ZFHX3: variants seen among roughly 807,000 people sequenced by gnomAD.
ZFHX3 encodes the protein zinc finger homeobox 3.
In ZFHX3, 42 loss-of-function variants were observed where a neutral mutation model predicts 279.1. The observed-to-expected ratio is 0.15, with a 90% CI of 0.12 to 0.19. The LOEUF (loss-of-function observed/expected upper bound fraction) is 0.19, where lower values mean the gene tolerates loss of function less well. ZFHX3 is among the 10% of genes least tolerant of loss of function. The pLI is 1.00. For synonymous variants in ZFHX3, 2,293 were observed against 1,957.8 expected (o/e 1.17, Z -4.52); for missense variants, 4,981 against 4,754.0 (o/e 1.05, Z -1.40).
At chr16:73,233,937 G>C (rs1219796362) in intron 5 of ZFHX3, 1 of 152,210 alleles carries the variant, frequency 6.6e-6, no homozygotes, top group Non-Finnish European at 1.5e-5. Context: ...TTTTGCAGAA[G>C]TGAGCCACGG....
At chr16:73,349,580 G>A (rs904818838) in intron 3 of ZFHX3, among the ~76,000 whole-genome samples, 1 of 151,766 alleles carries the variant, frequency 6.6e-6, no homozygotes, top group African/African-American at 2.4e-5. Context: ...TAGAGAGCTT[G>A]TCTATCGCTT....
At chr16:73,603,104 T>TG (rs1219199874) in intron 2 of ZFHX3, among the ~76,000 whole-genome samples, 1 of 151,528 alleles carries the variant, frequency 6.6e-6, no homozygotes, top group Non-Finnish European at 1.5e-5. Context: ...GCTAACACGG[T>TG]AAAACCTGTC....
At chr16:73,562,536 CAG>C (rs2020386148) in intron 2 of ZFHX3, among the ~76,000 whole-genome samples, 1 of 146,052 alleles carries the variant, frequency 6.8e-6, no homozygotes, top group South Asian at 2.1e-4. Context: ...GCGGAGCTTG[CAG>C]TGACCCGAGA....
chr16:73,023,357 G>A (rs1292648729), intron 1 of ZFHX3, among the ~76,000 whole-genome samples: 1 of 152,220 alleles, frequency 6.6e-6, no homozygotes, highest in African/African-American at 2.4e-5. Flanking sequence ...AGGGGCTGGA[G>A]GGAAACCCCC....
rs74028672 is a variant in ZFHX3 at position 73,478,397 on chromosome 16, C to T, written c.-1546-22139G>A. ...CAACTGAGCTATCCAGGCTTCTTCC[C>T]TGCTAGTTTATTTTAATGCAGTAAT... On this transcript the variant is annotated intron_variant, in intron 2 of 17. Transcript: ENST00000641206. Among the ~76,000 whole-genome samples, 404 of 152,214 alleles carry T rather than the reference C, an allele frequency of 2.7e-3. 1 individual carries two copies. The highest frequency in any genetic ancestry group is 8.9e-3 in the African/African-American group (369 of 41,518).
At chr16:73,121,826 C>T (rs571583046) in intron 7 of ZFHX3, among the ~76,000 whole-genome samples, 16 of 151,806 alleles carry the variant, frequency 1.1e-4, no homozygotes, top group African/African-American at 2.9e-4. Flanking sequence ...CATGTTAGTC[C>T]GGATGGTCTG....
At chr16:73,163,182 T>C (rs930610166) in intron 5 of ZFHX3, among the ~76,000 whole-genome samples, 3 of 152,220 alleles carry the variant, frequency 2.0e-5, no homozygotes, top group Admixed American at 6.5e-5. Flanking sequence ...ACAATAAATA[T>C]ACAATTGTCC....
intron 2 of ZFHX3, among the ~76,000 whole-genome samples, chr16:73,665,310 T>A (rs1269396187): frequency 6.6e-6 from 1 of 150,854 alleles, no homozygotes; most frequent in Admixed American, 6.7e-5. Flanking sequence ...ACCTCCCAGG[T>A]CCAAGTAATT....
chr16:73,508,877 G>A (rs1325366493), intron 2 of ZFHX3, among the ~76,000 whole-genome samples: 1 of 152,182 alleles, frequency 6.6e-6, no homozygotes, highest in African/African-American at 2.4e-5. Context: ...ACTGTGCTGA[G>A]TGTCTGTGAT....
chr16:73,580,628 T>A (rs1328839127), intron 2 of ZFHX3, among the ~76,000 whole-genome samples: 1 of 151,872 alleles, frequency 6.6e-6, no homozygotes, highest in African/African-American at 2.4e-5. Flanking sequence ...TAGTTGCCTA[T>A]CTTTCAGGGT....
intron 4 of ZFHX3, among the ~76,000 whole-genome samples, chr16:72,886,956 G>A (rs931191446): frequency 2.0e-5 from 3 of 152,170 alleles, no homozygotes; most frequent in Non-Finnish European, 4.4e-5. Context: ...ACCAGAAGAG[G>A]CATTTGAAAA....
intron 7 of ZFHX3, among the ~76,000 whole-genome samples, chr16:73,101,208 T>C (rs1320837328): frequency 6.6e-6 from 1 of 152,188 alleles, no homozygotes; most frequent in East Asian, 1.9e-4. Flanking sequence ...TATATCTCAA[T>C]TGTGGTCCAT....
chr16:73,516,783 A>T (rs1290233919), intron 2 of ZFHX3, among the ~76,000 whole-genome samples: 2 of 152,220 alleles, frequency 1.3e-5, no homozygotes, highest in Non-Finnish European at 2.9e-5. Context: ...GCAGTGTCTG[A>T]CACACAGTAG....
intron 2 of ZFHX3, among the ~76,000 whole-genome samples, chr16:73,657,185 A>G (rs1597050857): frequency 6.6e-6 from 1 of 152,304 alleles, no homozygotes; most frequent in African/African-American, 2.4e-5. Flanking sequence ...GGCTGGGTGT[A>G]GTGGCTCACG....
chr16:73,463,664 A>G (rs59405293), intron 2 of ZFHX3, among the ~76,000 whole-genome samples: 16,065 of 151,878 alleles, frequency 0.11, 2,770 homozygotes, highest in African/African-American at 0.36. Context: ...CTTTTATACT[A>G]TTGGAAAGTG....
intron 1 of ZFHX3, among the ~76,000 whole-genome samples, chr16:73,008,334 G>A (rs547948243): frequency 6.6e-6 from 1 of 152,220 alleles, no homozygotes; most frequent in Non-Finnish European, 1.5e-5. Flanking sequence ...TGTGATTTAG[G>A]AGAATATTTT....
chr16:73,161,113 C>T (rs1050936002), intron 5 of ZFHX3, among the ~76,000 whole-genome samples: 2 of 152,136 alleles, frequency 1.3e-5, no homozygotes, highest in African/African-American at 2.4e-5. Context: ...GCTGGGACTA[C>T]AGGCGCCCGG....
At chr16:73,817,659 C>A (rs1159128264) in intron 1 of ZFHX3, among the ~76,000 whole-genome samples, 1 of 152,310 alleles carries the variant, frequency 6.6e-6, no homozygotes, top group East Asian at 1.9e-4. Context: ...CCCATGACTC[C>A]TCTGTTATGA....
rs1308718864 is a variant in ZFHX3, at chr16:72,783,519, C to T, written c.*3645G>A. The stretch of plus-strand genomic sequence containing the variant: ...GATAAACTCAGGTTTAAACACATGC[C>T]GTCTGTTTTACTTTATTTTCAATTG... On this transcript the variant is annotated 3_prime_UTR_variant, in exon 10 of 10. Coordinates refer to ENST00000268489, the MANE Select transcript of ZFHX3 (RefSeq NM_006885.4). 3 of 152,392 alleles carry T rather than the reference C, an allele frequency of 2.0e-5. No homozygotes were observed. The highest frequency in any genetic ancestry group is 2.4e-5 in the African/African-American group (1 of 41,350). The allele number at this position is 152,392 out of a possible 1,614,324, so 9.4% of individuals were successfully genotyped here.
Sources: allele counts gnomAD v4.1 joint callset (sites outside exome capture counted in the v4.1 genomes callset), GRCh38; gene constraint gnomAD v4.1.1; transcripts MANE v1.5; gene names NCBI Gene and HGNC (gene_info 2026-07-23, HGNC 2026-07-21).